The following ARIH2 variants were observed in gnomAD, a reference collection of about 807,000 sequenced individuals.
ARIH2 encodes the protein ariadne RBR E3 ubiquitin protein ligase 2.
A neutral mutation model predicts 79.8 loss-of-function variants in ARIH2; 12 were observed. That is an observed-to-expected ratio of 0.15 (90% confidence interval 0.10 to 0.24). ARIH2 has a LOEUF of 0.24. Among genes scored for constraint, ARIH2 ranks in the 10% least tolerant of loss-of-function variants. The pLI is 1.00. For synonymous variants in ARIH2, 224 were observed against 213.9 expected (o/e 1.05, Z -0.41); for missense variants, 301 against 618.3 (o/e 0.49, Z 5.44).
intron 3 of ARIH2, among the ~76,000 whole-genome samples, chr3:48,930,060 T>A (rs988488309): frequency 1.3e-5 from 2 of 152,366 alleles, no homozygotes; most frequent in East Asian, 1.9e-4. Flanking sequence ...ATTTTTTCCC[T>A]TCTGCACTTC....
At chr3:48,973,927 C>T (rs1422314190) in intron 9 of ARIH2, 111 bp downstream of exon 9, 2 of 772,044 alleles carry the variant, frequency 2.6e-6, no homozygotes, top group Non-Finnish European at 4.3e-6. Flanking sequence ...CAGGACCCTT[C>T]CTGAGGACTG....
chr3:48,960,048 A>G (rs907562119), intron 3 of ARIH2, among the ~76,000 whole-genome samples: 2 of 152,150 alleles, frequency 1.3e-5, no homozygotes, highest in African/African-American at 2.4e-5. Context: ...TGAGCAGACA[A>G]TGTTCTGTGT....
At chr3:48,971,882 G>T (rs2092258355) in intron 8 of ARIH2, among the ~76,000 whole-genome samples, 1 of 152,094 alleles carries the variant, frequency 6.6e-6, no homozygotes, top group African/African-American at 2.4e-5. Context: ...TTTGCCTGAG[G>T]GCCTTTTCTA....
At chr3:48,944,669 G>A (rs535263913) in intron 3 of ARIH2, among the ~76,000 whole-genome samples, 1 of 152,226 alleles carries the variant, frequency 6.6e-6, no homozygotes, top group East Asian at 1.9e-4. Context: ...ATTAGATTCA[G>A]GGGTGAGCCT....
chr3:48,940,945 G>A (rs964097912), intron 3 of ARIH2, among the ~76,000 whole-genome samples: 7 of 151,334 alleles, frequency 4.6e-5, no homozygotes, highest in Non-Finnish European at 4.4e-5. Flanking sequence ...GGAGGCAGGC[G>A]GATCACGAGG....
intron 13 of ARIH2, among the ~76,000 whole-genome samples, chr3:48,981,094 C>T (rs1449304564): frequency 7.0e-6 from 1 of 143,396 alleles, no homozygotes; most frequent in Non-Finnish European, 1.5e-5. Flanking sequence ...CTTCGGAAGG[C>T]CAAGGCAGGT....
intron 2 of ARIH2, among the ~76,000 whole-genome samples, chr3:48,925,427 T>G (rs1270143874): frequency 6.6e-6 from 1 of 151,728 alleles, no homozygotes; most frequent in Non-Finnish European, 1.5e-5. Context: ...TCTTTTTTTT[T>G]TTTTTTAAAT....
rs113322395 is a variant in ARIH2 at position 48,981,760 on chromosome 3, G to A, written c.1326+32G>A. On this transcript the variant is annotated intron_variant, in intron 14 of 15. Coordinates refer to ENST00000356401, the MANE Select transcript of ARIH2 (RefSeq NM_006321.4). ...CAAAGCAATTTTTCTACTCTGTCCCGTTAGCCTCAAAGGTGCCCTTCTCTA... is the reference window on the plus strand; with the variant it reads ...CAAAGCAATTTTTCTACTCTGTCCCATTAGCCTCAAAGGTGCCCTTCTCTA... 168 of 1,579,994 alleles carry A rather than the reference G, an allele frequency of 1.1e-4. 1 individual carries two copies. The highest frequency in any genetic ancestry group is 9.3e-4 in the African/African-American group (69 of 74,250).
At chr3:48,944,104 G>A (rs1401746896) in intron 3 of ARIH2, among the ~76,000 whole-genome samples, 1 of 152,124 alleles carries the variant, frequency 6.6e-6, no homozygotes, top group African/African-American at 2.4e-5. Flanking sequence ...TCTTTGTACT[G>A]AGTCCTTCTC....
chr3:48,935,589 A>G (rs969836684), intron 3 of ARIH2, among the ~76,000 whole-genome samples: 4 of 152,140 alleles, frequency 2.6e-5, no homozygotes, highest in African/African-American at 9.7e-5. Context: ...CATTTTTTCC[A>G]TTTAATATAA....
chr3:48,933,021 A>G (rs1184316134), intron 3 of ARIH2, among the ~76,000 whole-genome samples: 1 of 152,220 alleles, frequency 6.6e-6, no homozygotes, highest in Non-Finnish European at 1.5e-5. Flanking sequence ...AGCCTCAAGC[A>G]TCTTTGCTGT....
At chr3:48,922,630 ATAGT>A (rs973282721) in intron 1 of ARIH2, 114 bp from the exon 2 acceptor site, 20 of 152,276 alleles carry the variant, frequency 1.3e-4, no homozygotes, top group African/African-American at 4.1e-4. Flanking sequence ...AATTAATTTA[ATAGT>A]TACTCTGTCC....
chr3:48,919,042 C>A (rs2084321750), intron 1 of ARIH2, 44 bp downstream of exon 1: 2 of 1,343,726 alleles, frequency 1.5e-6, no homozygotes, highest in South Asian at 2.0e-5. Context: ...CCTTGGCTGG[C>A]CGCTGGGGGG....
chr3:48,923,500 A>G (rs971747589), intron 2 of ARIH2, among the ~76,000 whole-genome samples: 2 of 151,004 alleles, frequency 1.3e-5, no homozygotes, highest in African/African-American at 2.4e-5. Flanking sequence ...TATAGTTAAC[A>G]TATCAACTTA....
chr3:48,940,428 G>C (rs1039611431), intron 3 of ARIH2, among the ~76,000 whole-genome samples: 2 of 151,904 alleles, frequency 1.3e-5, no homozygotes, highest in African/African-American at 4.8e-5. Context: ...GTCTGGATGC[G>C]GTGGCTCACT....
In ARIH2 at chr3:48,983,288, C is replaced by T; in HGVS notation, c.*18C>T. 1.2e-6 allele frequency: 2 copies of T among 1,613,568 alleles called. No homozygotes were observed. Among genetic ancestry groups the T allele is most frequent in the Non-Finnish European group, 1.7e-6 (2 of 1,179,704 alleles). ...ACACCTAAGTTGGGATGTGGATGTGCCGGGGTGAGGAAGATGTGGCTGCAA... is the reference window on the plus strand; with the variant it reads ...ACACCTAAGTTGGGATGTGGATGTGTCGGGGTGAGGAAGATGTGGCTGCAA... On this transcript the variant is annotated 3_prime_UTR_variant, in exon 16 of 16. Transcript: ENST00000356401.
At chr3:48,972,174 T>A (rs1169265784) in intron 8 of ARIH2, among the ~76,000 whole-genome samples, 3 of 152,236 alleles carry the variant, frequency 2.0e-5, no homozygotes, top group Non-Finnish European at 4.4e-5. Flanking sequence ...GTCATAGCTC[T>A]GTGTTTGACA....
At chr3:48,958,399 A>G (rs1241787507) in intron 3 of ARIH2, among the ~76,000 whole-genome samples, 3 of 152,144 alleles carry the variant, frequency 2.0e-5, no homozygotes, top group East Asian at 1.9e-4. Context: ...TGTAGCCTGC[A>G]TGACTTCATC....
At chr3:48,954,963 C>T (rs186497431) in intron 3 of ARIH2, among the ~76,000 whole-genome samples, 3 of 152,150 alleles carry the variant, frequency 2.0e-5, no homozygotes, top group East Asian at 1.9e-4. Flanking sequence ...TTTGGGAGGC[C>T]GAGGCAGGAT....
Sources: allele counts gnomAD v4.1 joint callset (sites outside exome capture counted in the v4.1 genomes callset), GRCh38; gene constraint gnomAD v4.1.1; transcripts MANE v1.5; gene names NCBI Gene and HGNC (gene_info 2026-07-23, HGNC 2026-07-21).